The following RPH3A variants were observed in gnomAD, a reference collection of about 807,000 sequenced individuals.
RPH3A encodes rabphilin 3A, also known as rabphilin-3A.
In RPH3A, 48 loss-of-function variants were observed where a neutral mutation model predicts 102.2. The observed-to-expected ratio is 0.47, with a 90% CI of 0.37 to 0.60. The LOEUF (loss-of-function observed/expected upper bound fraction) is 0.60. RPH3A is among the 20% of genes least tolerant of loss of function. RPH3A has a pLI of 0.00. For missense variants in RPH3A, 781 were observed against 910.1 expected, an observed-to-expected ratio of 0.86 and a Z score of 1.83; for synonymous variants, 310 against 324.3, an observed-to-expected ratio of 0.96 and a Z score of 0.47.
At chr12:112,811,140 T>A (rs567454838) in intron 2 of RPH3A, among the ~76,000 whole-genome samples, 1 of 152,326 alleles carries the variant, frequency 6.6e-6, no homozygotes, top group East Asian at 1.9e-4. Flanking sequence ...GGTTCCAGTA[T>A]CTTCAACTGA....
intron 6 of RPH3A, 42 bp downstream of exon 6, chr12:112,865,585 GCA>G: frequency 6.2e-7 from 1 of 1,600,478 alleles, no homozygotes; most frequent in African/African-American, 1.3e-5. Context: ...TGCAGCACCT[GCA>G]GAGGGGAAAG....
Position 112,712,913 on chromosome 12 carries a change from T to C in RPH3A, c.-139-79230T>C, listed in dbSNP as rs1368002173. Among the ~76,000 whole-genome samples, 51 of 107,860 alleles carry C rather than the reference T, an allele frequency of 4.7e-4. 1 individual carries two copies. The highest frequency in any genetic ancestry group is 1.8e-3 in the African/African-American group (45 of 25,318). The allele number at this position is 107,860 out of a possible 152,430, so 70.8% of individuals were successfully genotyped here. A position where few individuals can be genotyped will look rare whatever the true frequency, so the allele number is the denominator to read the frequency against. On this transcript the variant is annotated intron_variant, in intron 1 of 21. Coordinates refer to the RPH3A transcript ENST00000543106. ...CTTCTTCTTCTTCTTCCTCTTCTTC[T>C]TCTTCTTCTTCCTCTTCTTCTTCTT...
chr12:112,817,834 G>A (rs73198777), intron 2 of RPH3A, among the ~76,000 whole-genome samples: 7,386 of 152,168 alleles, frequency 0.049, 263 homozygotes, highest in Non-Finnish European at 0.077. Context: ...GTAGAGGAGG[G>A]AAGGATTCAA....
At chr12:112,597,568 A>C (rs1311526782) in intron 1 of RPH3A, among the ~76,000 whole-genome samples, 1 of 152,140 alleles carries the variant, frequency 6.6e-6, no homozygotes, top group Admixed American at 6.5e-5. Flanking sequence ...TGGCGATGGG[A>C]GTGAGACCCT....
chr12:112,677,368 T>TC (rs2040184240), intron 1 of RPH3A, among the ~76,000 whole-genome samples: 1 of 20,660 alleles, frequency 4.8e-5, no homozygotes, highest in Admixed American at 5.0e-4. Flanking sequence ...CCTCCCTCCC[T>TC]CCTTCCCTTC....
At chr12:112,640,409 C>T (rs1038061587) in intron 1 of RPH3A, among the ~76,000 whole-genome samples, 66 of 132,546 alleles carry the variant, frequency 5.0e-4, no homozygotes, top group African/African-American at 1.8e-3. Context: ...AACCACTGTA[C>T]TACACAGTCT....
intron 1 of RPH3A, among the ~76,000 whole-genome samples, chr12:112,728,381 T>G (rs1175492216): frequency 6.6e-6 from 1 of 152,174 alleles, no homozygotes; most frequent in Non-Finnish European, 1.5e-5. Flanking sequence ...TTTTTCCAAT[T>G]CATCCTTTGG....
intron 1 of RPH3A, among the ~76,000 whole-genome samples, chr12:112,741,278 G>T (rs1384312005): frequency 6.6e-6 from 1 of 152,128 alleles, no homozygotes; most frequent in Non-Finnish European, 1.5e-5. Flanking sequence ...TGCCTTTCCT[G>T]TTGGGCTCCC....
At chr12:112,752,157 T>C (rs995010126) in intron 1 of RPH3A, among the ~76,000 whole-genome samples, 1 of 152,176 alleles carries the variant, frequency 6.6e-6, no homozygotes, top group African/African-American at 2.4e-5. Context: ...AATCCCAATC[T>C]TTTATATTTT....
chr12:112,772,632 C>T (rs995562106), intron 1 of RPH3A, among the ~76,000 whole-genome samples: 4 of 151,964 alleles, frequency 2.6e-5, no homozygotes, highest in East Asian at 1.9e-4. Context: ...GCGTGGTAAG[C>T]GCTCAATAAT....
At position 112,875,113 on chromosome 12, in the gene RPH3A, T is replaced by C; in HGVS notation, c.826T>C (p.Ser276Pro). ...GLRRANSVQA[S>P]RPAPGSVQSP... ...GAGACGGGCCAACTCAGTCCAGGCCTCCAGACCTGCCCCAGGCTCGGTGCA... is the reference window on the plus strand; with the variant it reads ...GAGACGGGCCAACTCAGTCCAGGCCCCCAGACCTGCCCCAGGCTCGGTGCA... The change falls in exon 11 of 22, where the codon TCC (serine) becomes CCC (proline). Residue 276 changes from serine to proline, a missense_variant. Physicochemically the swap from Ser to Pro is moderately conservative, Grantham distance 74. Coordinates refer to ENST00000389385, the MANE Select transcript of RPH3A (RefSeq NM_001143854.2). 2.5e-6 allele frequency: 4 copies of C among 1,610,134 alleles called. No individual in the cohort carries two copies. Among genetic ancestry groups the C allele is most frequent in the Middle Eastern group, 1.7e-4 (1 of 6,050 alleles).
chr12:112,788,664 G>T (rs1301501356), upstream of RPH3A, among the ~76,000 whole-genome samples: 1 of 152,222 alleles, frequency 6.6e-6, no homozygotes, highest in Non-Finnish European at 1.5e-5. Context: ...TGCAGCAGGT[G>T]GTAGCTATTG....
intron 1 of RPH3A, among the ~76,000 whole-genome samples, chr12:112,601,806 C>T (rs538565964): frequency 6.6e-6 from 1 of 152,004 alleles, no homozygotes; most frequent in African/African-American, 2.4e-5. Flanking sequence ...GTGGCACACA[C>T]CTGTGTAGAC....
Position 112,791,899 on chromosome 12 carries a change from A to AGAGAGAGAGAGAGAGAGAGAGG in RPH3A, c.-247_-246insGAGAGAGAGAGAGAGGGAGAGA, listed in dbSNP as rs1555209151. On this transcript the variant is annotated 5_prime_UTR_variant, in exon 1 of 22. Coordinates refer to ENST00000389385, the MANE Select transcript of RPH3A (RefSeq NM_001143854.2). ...GAGAGAGAGAGAGAGAGAGAGAGAG[A>AGAGAGAGAGAGAGAGAGAGAGG]GAGAGACTCACAGAGCTAAAACCTT... The AGAGAGAGAGAGAGAGAGAGAGG allele has an allele frequency of 4.6e-5, 7 of 150,584 alleles. No homozygotes were observed. Among genetic ancestry groups the AGAGAGAGAGAGAGAGAGAGAGG allele is most frequent in the Admixed American group, 4.0e-4 (6 of 15,154 alleles). The allele number at this position is 150,584 out of a possible 1,614,324, so 9.3% of individuals were successfully genotyped here. A position where few individuals can be genotyped will look rare whatever the true frequency, so the allele number is the denominator to read the frequency against.
At chr12:112,773,321 A>T (rs747835874) in intron 1 of RPH3A, among the ~76,000 whole-genome samples, 29 of 152,058 alleles carry the variant, frequency 1.9e-4, no homozygotes, top group Non-Finnish European at 3.8e-4. Context: ...AGAGAAGTAA[A>T]ACTTAATGAC....
At chr12:112,580,394 CTTTTTTTTTTT>C (rs773931202) in intron 1 of RPH3A, among the ~76,000 whole-genome samples, 44 of 76,958 alleles carry the variant, frequency 5.7e-4, no homozygotes, top group East Asian at 2.2e-3. Context: ...TTTGTCTTGT[CTTTTTTTTTTT>C]TTTTTTTTTT....
chr12:112,593,158 C>T (rs2039491332), intron 1 of RPH3A, among the ~76,000 whole-genome samples: 1 of 152,200 alleles, frequency 6.6e-6, no homozygotes, highest in Non-Finnish European at 1.5e-5. Flanking sequence ...CTGCCTCTCT[C>T]TCTCTGCTCA....
At chr12:112,717,019 A>G (rs1465473498) in intron 1 of RPH3A, among the ~76,000 whole-genome samples, 2 of 152,210 alleles carry the variant, frequency 1.3e-5, no homozygotes, top group African/African-American at 4.8e-5. Context: ...GTTGGAAGGC[A>G]CTTTGTGTTC....
chr12:112,832,727 C>T (rs1454612875), intron 3 of RPH3A, among the ~76,000 whole-genome samples: 1 of 152,158 alleles, frequency 6.6e-6, no homozygotes, highest in East Asian at 1.9e-4. Flanking sequence ...CCTGTGTTCT[C>T]AGCTACTCAG....
Sources: allele counts gnomAD v4.1 joint callset (sites outside exome capture counted in the v4.1 genomes callset), GRCh38; gene constraint gnomAD v4.1.1; transcripts MANE v1.5; gene names NCBI Gene and HGNC (gene_info 2026-07-23, HGNC 2026-07-21).